PRR12: variants seen among roughly 807,000 people sequenced by gnomAD.
PRR12 encodes the protein proline-rich protein 12.
Under a neutral mutation model 138.0 loss-of-function variants are expected in PRR12, and 12 were observed. The observed-to-expected ratio is 0.09, with a 90% confidence interval of 0.06 to 0.14. The LOEUF is 0.14. PRR12 is among the 10% of genes least tolerant of loss of function. The pLI is 1.00. For synonymous variants in PRR12, 1,567 were observed against 1,291.7 expected (o/e 1.21, Z -4.57); for missense variants, 2,692 against 2,861.3 (o/e 0.94, Z 1.35).
intron 6 of PRR12, among the ~76,000 whole-genome samples, chr19:49,604,358 T>C (rs1022350740): frequency 6.9e-6 from 1 of 145,650 alleles, no homozygotes; most frequent in African/African-American, 2.6e-5. Context: ...GGAGCGAGAC[T>C]GTCTCAAAAA....
rs998878832 is a variant in PRR12 at position 49,625,300 on chromosome 19, C to A, written c.5964+100C>A. ...AGCCCAGCCCCATCCTGCCTCAGAC[C>A]CAAGAGTTCAGGTCCTTCTGTCTTG... On this transcript the variant is annotated intron_variant, in intron 13 of 13. Transcript: ENST00000418929. The surrounding 1 kb of genome is among the most constrained non-coding windows in gnomAD (Gnocchi z 5.5). The A allele has an allele frequency of 1.4e-5, 20 of 1,476,954 alleles. No individual in the cohort carries two copies. Among genetic ancestry groups the A allele is most frequent in the Non-Finnish European group, 1.7e-5 (18 of 1,073,476 alleles). The allele number at this position is 1,476,954 out of a possible 1,614,324, so 91.5% of individuals were successfully genotyped here. A position where few individuals can be genotyped will look rare whatever the true frequency, so the allele number is the denominator to read the frequency against.
At chr19:49,615,371 C>A (rs1288368042) in intron 8 of PRR12, among the ~76,000 whole-genome samples, 1 of 150,456 alleles carries the variant, frequency 6.6e-6, no homozygotes, top group Non-Finnish European at 1.5e-5. Flanking sequence ...GAGACAGAGA[C>A]CCAGAGACGG....
Position 49,616,282 on chromosome 19 carries a change from G to C in PRR12, c.5497+63G>C. ...TGGGGAAGGGACACAGGTGAGGGCT[G>C]TCCAGAGGGCTCCAGGTAGCCTTGG... On this transcript the variant is annotated intron_variant, in intron 9 of 13. Transcript: ENST00000418929. This position sits in a 1 kb window ranked among gnomAD's most constrained non-coding sequence, Gnocchi z 4.2. The C allele has an allele frequency of 1.4e-6, 2 of 1,382,964 alleles. No homozygotes were observed. Among genetic ancestry groups the C allele is most frequent in the Non-Finnish European group, 1.9e-6 (2 of 1,038,948 alleles). 85.7% of individuals were successfully genotyped at this position (1,382,964 alleles called of 1,614,324 possible).
At chr19:49,593,601 C>G (rs540869382) in intron 2 of PRR12, among the ~76,000 whole-genome samples, 162 bp downstream of exon 2, 2 of 152,072 alleles carry the variant, frequency 1.3e-5, no homozygotes, top group South Asian at 4.2e-4. Flanking sequence ...GGCTGCTGGT[C>G]GCTGCTTCAT....
In PRR12 at chr19:49,616,274, T is replaced by C; in HGVS notation, c.5497+55T>C. 1 of 1,434,202 alleles carries C rather than the reference T, an allele frequency of 7.0e-7. No homozygotes were observed. The highest frequency in any genetic ancestry group is 9.3e-7 in the Non-Finnish European group (1 of 1,079,878). The allele number at this position is 1,434,202 out of a possible 1,614,324, so 88.8% of individuals were successfully genotyped here. ...GGGGTGGGTGGGGAAGGGACACAGGTGAGGGCTGTCCAGAGGGCTCCAGGT... is the reference window on the plus strand; with the variant it reads ...GGGGTGGGTGGGGAAGGGACACAGGCGAGGGCTGTCCAGAGGGCTCCAGGT... On this transcript the variant is annotated intron_variant, in intron 9 of 13. Transcript: ENST00000418929. The surrounding 1 kb of genome is among the most constrained non-coding windows in gnomAD (Gnocchi z 4.2).
rs1251048171 is a variant in PRR12, at chr19:49,594,188, AC to A, written c.200-265del. Among the ~76,000 whole-genome samples, 3 of 151,866 alleles carry A rather than the reference AC, an allele frequency of 2.0e-5. No individual in the cohort carries two copies. The highest frequency in any genetic ancestry group is 4.4e-5 in the Non-Finnish European group (3 of 67,986). On this transcript the variant is annotated intron_variant, in intron 2 of 13. Transcript: ENST00000418929. This position sits in a 1 kb window ranked among gnomAD's most constrained non-coding sequence, Gnocchi z 5.6. ...CTCTTTCGCTTCTAGATTTTTCTAC[AC>A]TTTTGTCTACCATTTCCTACCTGGG...
chr19:49,603,093 A>G (rs551306791), intron 6 of PRR12, among the ~76,000 whole-genome samples: 14 of 152,342 alleles, frequency 9.2e-5, no homozygotes, highest in Non-Finnish European at 2.9e-5. Context: ...GCTGGCCCTC[A>G]ATGGCAAAAA....
In PRR12 at chr19:49,595,029, C is replaced by A; in HGVS notation, c.694C>A (p.Pro232Thr). 1 of 1,606,960 alleles carries A rather than the reference C, an allele frequency of 6.2e-7. No homozygotes were observed. Among genetic ancestry groups the A allele is most frequent in the East Asian group, 2.2e-5 (1 of 44,528 alleles). The change falls in exon 4 of 14, where the codon CCA becomes ACA. Residue 232 changes from proline (P) to threonine (T), a missense_variant. Physicochemically the swap from Pro to Thr is conservative, Grantham distance 38 (BLOSUM62 -1). This residue lies in a region of PRR12 where 523 missense variants were observed against 496.4 expected (regional missense o/e 1.05). Coordinates refer to ENST00000418929, the MANE Select transcript of PRR12 (RefSeq NM_020719.3). ...AQTPPYRPGP[P>T]DPPPPPRHLP... ...GACCCCCCCTTACCGCCCTGGCCCC[C>A]CAGACCCACCACCACCTCCTCGCCA...
rs1568433533 is a variant in PRR12 at position 49,624,855 on chromosome 19, C to T, written c.5733C>T (p.His1911=). ...TTGGCTTCCCGCAGGATGCTCTGCA[C>T]ACGTTCCCACAGCTGCAAGTGGAGC... is the stretch of plus-strand genomic sequence containing the variant. The part of the protein sequence containing the change: ...SLSPALQDAL[H]TFPQLQVEQS... Residue 1911 remains histidine, a synonymous_variant, in exon 12 of 14, where the codon CAC becomes CAT. Coordinates refer to ENST00000418929, the MANE Select transcript of PRR12 (RefSeq NM_020719.3). 3.1e-6 allele frequency: 5 copies of T among 1,611,436 alleles called. No individual in the cohort carries two copies.
At chr19:49,619,666 C>G (rs1343401820) in intron 9 of PRR12, among the ~76,000 whole-genome samples, 1 of 150,218 alleles carries the variant, frequency 6.7e-6, no homozygotes, top group South Asian at 2.1e-4. Context: ...CTCAGCCTCC[C>G]GAGTGGCTGG....
rs772377166 is a variant in PRR12, at chr19:49,595,611, G to A, written c.1276G>A (p.Ala426Thr). ...TCAGAGCCTGGGTGGGCCAGCAGCC[G>A]CCTATGCCACTGGGAAGGCCTCTGG... ...KCQSLGGPAAAYATGKASGAG... is the reference protein window; with the variant it reads ...KCQSLGGPAATYATGKASGAG... The change falls in exon 4 of 14, where the codon GCC becomes ACC. Residue 426 changes from alanine (A) to threonine (T), a missense_variant. This residue lies in a region of PRR12 where 523 missense variants were observed against 496.4 expected (regional missense o/e 1.05). Transcript: ENST00000418929. 14 of 1,605,566 alleles carry A rather than the reference G, an allele frequency of 8.7e-6. 1 individual carries two copies. The South Asian group carries it at 8.9e-5, about 10-fold the overall frequency.
Position 49,625,233 on chromosome 19 carries a change from G to T in PRR12, c.5964+33G>T. 2 of 1,594,542 alleles carry T rather than the reference G, an allele frequency of 1.3e-6. No homozygotes were observed. The highest frequency in any genetic ancestry group is 2.2e-5 in the South Asian group (2 of 90,524). On this transcript the variant is annotated intron_variant, in intron 13 of 13. Coordinates refer to ENST00000418929, the MANE Select transcript of PRR12 (RefSeq NM_020719.3). The surrounding 1 kb of genome is among the most constrained non-coding windows in gnomAD (Gnocchi z 5.5). ...CCACCCACAGCACCCATCGCCCTGG[G>T]ATTCCAACCTTTCTGACTTCCTCTT...
At position 49,595,441 on chromosome 19, in the gene PRR12, G is replaced by A; in HGVS notation, c.1106G>A (p.Gly369Glu). The A allele has an allele frequency of 6.5e-7, 1 of 1,547,898 alleles. No homozygotes were observed. The highest frequency in any genetic ancestry group is 8.7e-7 in the Non-Finnish European group (1 of 1,146,718). ...SGRATGPEAA[G>E]GGGAGGGGGG... ...CGGGCCACGGGCCCTGAGGCAGCAG[G>A]GGGCGGTGGGGCTGGGGGTGGTGGT... Residue 369 changes from glycine (G) to glutamate (E), a missense_variant, in exon 4 of 14, where the codon GGG becomes GAG. Gly to Glu is a moderately conservative substitution (Grantham distance 98). Coordinates refer to ENST00000418929, the MANE Select transcript of PRR12 (RefSeq NM_020719.3).
At chr19:49,607,879 C>T (rs2080846794) in intron 6 of PRR12, among the ~76,000 whole-genome samples, 2 of 150,890 alleles carry the variant, frequency 1.3e-5, no homozygotes, top group Non-Finnish European at 3.0e-5. Context: ...ATTAGCCGGG[C>T]GTGGGGGTGG....
chr19:49,620,566 A>G, intron 10 of PRR12, 89 bp downstream of exon 10: 1 of 1,505,726 alleles, frequency 6.6e-7, no homozygotes, highest in Non-Finnish European at 8.9e-7. Flanking sequence ...GAGAGAGGAG[A>G]GGTTTGGGGT....
intron 5 of PRR12, among the ~76,000 whole-genome samples, chr19:49,600,993 G>T (rs2080807220): frequency 6.6e-6 from 1 of 152,202 alleles, no homozygotes; most frequent in South Asian, 2.1e-4. Context: ...CCAAAGTGCT[G>T]GGATTACAGG....
intron 8 of PRR12, 84 bp from the exon 9 acceptor site, chr19:49,615,663 G>T: frequency 8.8e-7 from 1 of 1,133,522 alleles, no homozygotes. Context: ...CTATTCCTGT[G>T]CCTAGGGCAC....
At chr19:49,608,040 T>G (rs1222084513) in intron 6 of PRR12, among the ~76,000 whole-genome samples, 1 of 151,936 alleles carries the variant, frequency 6.6e-6, no homozygotes, top group Non-Finnish European at 1.5e-5. Flanking sequence ...AAAGAAAAAC[T>G]GTTAATGATG....
At chr19:49,612,774 C>G (rs756926729) in intron 6 of PRR12, among the ~76,000 whole-genome samples, 6 of 152,044 alleles carry the variant, frequency 3.9e-5, no homozygotes, top group Non-Finnish European at 8.8e-5. Context: ...AAGTGATTCT[C>G]CTTCCTTAGC....
Sources: allele counts gnomAD v4.1 joint callset (sites outside exome capture counted in the v4.1 genomes callset), GRCh38; gene constraint gnomAD v4.1.1; regional missense constraint gnomAD v4.1.1; non-coding constraint Gnocchi (gnomAD v3.1); transcripts MANE v1.5; gene names NCBI Gene and HGNC (gene_info 2026-07-23, HGNC 2026-07-21).